The following SYNJ1 variants were observed in gnomAD, a reference collection of about 807,000 sequenced individuals.
The protein encoded by SYNJ1 is polyphosphatidylinositol phosphatase SYNJ1.
Under a neutral mutation model 168.2 loss-of-function variants are expected in SYNJ1, and 78 were observed. That is an observed-to-expected ratio of 0.46 (90% CI 0.39 to 0.56). The LOEUF (loss-of-function observed/expected upper bound fraction) is 0.56. SYNJ1 is among the 20% of genes least tolerant of loss of function. The pLI is 0.00. For synonymous variants in SYNJ1, 539 were observed against 548.6 expected (o/e 0.98, Z 0.24); for missense variants, 1,303 against 1,597.6 (o/e 0.82, Z 3.14).
At chr21:32,700,175 C>T in intron 3 of SYNJ1, 70 bp from the exon 4 acceptor site, 1 of 1,486,884 alleles carries the variant, frequency 6.7e-7, no homozygotes, top group Admixed American at 2.2e-5. Flanking sequence ...TCTTCTTGCA[C>T]CTCTATTTTT....
chr21:32,691,824 C>T (rs1220490569), intron 6 of SYNJ1, among the ~76,000 whole-genome samples: 1 of 152,148 alleles, frequency 6.6e-6, no homozygotes, highest in African/African-American at 2.4e-5. Flanking sequence ...ATAACATACA[C>T]AGGAAGAACT....
intron 21 of SYNJ1, chr21:32,654,216 C>T (rs1317745892): frequency 6.6e-6 from 1 of 152,004 alleles, no homozygotes; most frequent in African/African-American, 2.4e-5. Context: ...CCCTAACCCC[C>T]TACTTAAACT....
In SYNJ1 at chr21:32,678,719, A is replaced by G; in HGVS notation, c.1436T>C (p.Leu479Ser). The G allele has an allele frequency of 6.2e-7, 1 of 1,613,672 alleles. No individual in the cohort carries two copies. Among genetic ancestry groups the G allele is most frequent in the Non-Finnish European group, 8.5e-7 (1 of 1,179,786 alleles). Residue 479 changes from leucine to serine, a missense_variant, in exon 12 of 33, where the codon TTG becomes TCG. By Grantham distance (145) the Leu-to-Ser change is moderately radical (BLOSUM62 -2). Transcript: ENST00000674351. Reference protein sequence around the residue: ...DSSKQEAIDVLLLGNTLNSDL... With the variant: ...DSSKQEAIDVSLLGNTLNSDL... ...ACTATTCAGAGTATTTCCCAGTAGC[A>G]AAACATCAATGGCCTCTTGCTTGGA...
At chr21:32,688,549 T>C (rs2146110655) in intron 6 of SYNJ1, among the ~76,000 whole-genome samples, 182 bp from the exon 7 acceptor site, 1 of 152,274 alleles carries the variant, frequency 6.6e-6, no homozygotes. Flanking sequence ...CCTCCACCTT[T>C]ATTTTTAAAA....
chr21:32,653,586 C>T, intron 21 of SYNJ1: 1 of 469,268 alleles, frequency 2.1e-6, no homozygotes, highest in Non-Finnish European at 3.9e-6. Context: ...GGAACAGCCA[C>T]AAGAAATGAG....
intron 2 of SYNJ1, among the ~76,000 whole-genome samples, chr21:32,703,545 A>C (rs1196848403): frequency 6.6e-6 from 1 of 152,194 alleles, no homozygotes; most frequent in Non-Finnish European, 1.5e-5. Context: ...TCAGGACAGA[A>C]GGCATGACTT....
chr21:32,702,729 G>T (rs192135593), intron 2 of SYNJ1, among the ~76,000 whole-genome samples: 37 of 152,206 alleles, frequency 2.4e-4, no homozygotes, highest in Admixed American at 2.3e-3. Context: ...TTCCTTCCAG[G>T]TTTCTTTCCT....
intron 13 of SYNJ1, 36 bp from the exon 14 acceptor site, chr21:32,673,567 A>G (rs1339174492): frequency 1.3e-6 from 2 of 1,517,114 alleles, no homozygotes; most frequent in Admixed American, 2.2e-5. Flanking sequence ...TTTTAGCTGC[A>G]TCAAACCATT....
chr21:32,689,440 G>C (rs1169209685), intron 6 of SYNJ1, among the ~76,000 whole-genome samples: 1 of 152,178 alleles, frequency 6.6e-6, no homozygotes, highest in Non-Finnish European at 1.5e-5. Flanking sequence ...GGGACTACAG[G>C]CGCCCGCCAC....
In SYNJ1 at chr21:32,653,233, C is replaced by T. The variant is rs1392140897; in HGVS notation, c.2874+55G>A. The T allele has an allele frequency of 3.7e-6, 5 of 1,369,588 alleles. No homozygotes were observed. In the African/African-American group the frequency reaches 5.8e-5, roughly 16 times the overall value. The allele number at this position is 1,369,588 out of a possible 1,614,324, so 84.8% of individuals were successfully genotyped here. ...GCTGCATGTCTATAAAAATATCATA[C>T]CATCTTCAGACATTTAATTTCAGAA... On this transcript the variant is annotated intron_variant, in intron 22 of 32. Transcript: ENST00000674351.
intron 26 of SYNJ1, 112 bp downstream of exon 26, chr21:32,644,856 T>C: frequency 2.4e-6 from 3 of 1,225,562 alleles, no homozygotes; most frequent in South Asian, 1.5e-5. Context: ...GGATTAGTTT[T>C]AAACTAGAAT....
At chr21:32,699,296 C>T (rs1202161652) in intron 4 of SYNJ1, among the ~76,000 whole-genome samples, 3 of 152,146 alleles carry the variant, frequency 2.0e-5, no homozygotes, top group Non-Finnish European at 2.9e-5. Flanking sequence ...CTTTCTTTAC[C>T]CAGTTCTCAC....
At chr21:32,695,793 G>C (rs992403234) in intron 4 of SYNJ1, among the ~76,000 whole-genome samples, 7 of 150,504 alleles carry the variant, frequency 4.7e-5, no homozygotes, top group Non-Finnish European at 1.0e-4. Context: ...CTCCCACGTA[G>C]CTGGGATTAC....
At chr21:32,720,791 C>G (rs1246966337) in intron 2 of SYNJ1, among the ~76,000 whole-genome samples, 1 of 152,244 alleles carries the variant, frequency 6.6e-6, no homozygotes, top group Non-Finnish European at 1.5e-5. Context: ...ACGTAGAGGT[C>G]CATAACTTCT....
chr21:32,678,907 T>C (rs1362178747), intron 11 of SYNJ1, 106 bp from the exon 12 acceptor site: 8 of 1,454,120 alleles, frequency 5.5e-6, no homozygotes, highest in South Asian at 1.3e-5. Context: ...GATTTTAGTA[T>C]AAAAAAGGAC....
chr21:32,667,494 ATCT>A (rs1187831847), intron 15 of SYNJ1, among the ~76,000 whole-genome samples: 3 of 152,166 alleles, frequency 2.0e-5, no homozygotes, highest in African/African-American at 7.2e-5. Flanking sequence ...TTAAAAAAAA[ATCT>A]TCTAACAGTT....
At chr21:32,675,531 A>G (rs940261333) in intron 13 of SYNJ1, among the ~76,000 whole-genome samples, 1 of 152,158 alleles carries the variant, frequency 6.6e-6, no homozygotes, top group Non-Finnish European at 1.5e-5. Context: ...CTCTTCCTCT[A>G]CCCTTCTCGA....
At chr21:32,699,194 G>GA (rs1402805987) in intron 4 of SYNJ1, among the ~76,000 whole-genome samples, 1 of 152,130 alleles carries the variant, frequency 6.6e-6, no homozygotes, top group Non-Finnish European at 1.5e-5. Context: ...TTTTATTGAG[G>GA]AAGTACAAGT....
intron 11 of SYNJ1, among the ~76,000 whole-genome samples, chr21:32,679,082 G>T (rs1426230643): frequency 6.6e-6 from 1 of 152,062 alleles, no homozygotes; most frequent in Non-Finnish European, 1.5e-5. Flanking sequence ...GTTTAAAATT[G>T]CTTATTACAA....
Sources: allele counts gnomAD v4.1 joint callset (sites outside exome capture counted in the v4.1 genomes callset), GRCh38; gene constraint gnomAD v4.1.1; transcripts MANE v1.5; gene names NCBI Gene and HGNC (gene_info 2026-07-23, HGNC 2026-07-21).